Variants in SNX29 observed in about 807,000 individuals in gnomAD.
The protein encoded by SNX29 is sorting nexin-29.
A neutral mutation model predicts 102.1 loss-of-function variants in SNX29; 78 were observed. The observed-to-expected ratio is 0.76, with a 90% CI of 0.64 to 0.92. The LOEUF (loss-of-function observed/expected upper bound fraction) is 0.92. Ranked by LOEUF, SNX29 falls within the 40% of genes least tolerant of loss-of-function variation. The pLI is 0.00. For missense variants in SNX29, 1,280 were observed against 1,061.7 expected (o/e 1.21, Z -2.86); for synonymous variants, 580 against 414.5 (o/e 1.40, Z -4.85).
At chr16:12,547,786 G>A (rs537614529) in intron 20 of SNX29, among the ~76,000 whole-genome samples, 77 of 152,252 alleles carry the variant, frequency 5.1e-4, no homozygotes, top group African/African-American at 1.6e-3. Context: ...CCTGGCTACC[G>A]AACAGAATGG....
In SNX29 at chr16:12,520,799, G is replaced by A. The variant is rs546893677; in HGVS notation, c.2179-3903G>A. Among the ~76,000 whole-genome samples the A allele has an allele frequency of 2.9e-3, 446 of 152,236 alleles. 4 individuals are homozygous for A. The highest frequency in any genetic ancestry group is 0.01 in the African/African-American group (422 of 41,516). ...AATAATGGACTTTGGGGACTCAGGC[G>A]TGGGGGAGGTTGGGAGGGAGGTGAG... On this transcript the variant is annotated intron_variant, in intron 19 of 20. Transcript: ENST00000566228.
intron 13 of SNX29, among the ~76,000 whole-genome samples, chr16:12,180,125 A>G (rs368227051): frequency 5.3e-4 from 81 of 151,984 alleles, no homozygotes; most frequent in African/African-American, 1.8e-3. Context: ...ACCTGTCTTC[A>G]GTATTTGTCA....
intron 15 of SNX29, among the ~76,000 whole-genome samples, chr16:12,286,991 A>G (rs1028385086): frequency 2.6e-5 from 4 of 152,194 alleles, no homozygotes; most frequent in African/African-American, 9.7e-5. Flanking sequence ...TTGGAGTATC[A>G]GGGAGAGGAG....
intron 13 of SNX29, among the ~76,000 whole-genome samples, chr16:12,154,795 G>A (rs1431608381): frequency 1.3e-5 from 2 of 152,192 alleles, no homozygotes; most frequent in African/African-American, 4.8e-5. Flanking sequence ...TTCTCCCTGT[G>A]TCCTTACATG....
chr16:11,990,648 C>T (rs566770074), intron 1 of SNX29, among the ~76,000 whole-genome samples: 4 of 152,084 alleles, frequency 2.6e-5, no homozygotes, highest in South Asian at 2.1e-4. Context: ...CCCAGATGCC[C>T]GCCAGTGTAA....
At chr16:12,437,302 G>A (rs1035579) in intron 18 of SNX29, among the ~76,000 whole-genome samples, 83,166 of 152,024 alleles carry the variant, frequency 0.55, 23,164 homozygotes, top group South Asian at 0.71. Context: ...CTGAGTCCTG[G>A]CAAGGTGTCA....
chr16:12,291,313 G>C (rs1005689011), intron 15 of SNX29, among the ~76,000 whole-genome samples: 2 of 152,230 alleles, frequency 1.3e-5, no homozygotes, highest in African/African-American at 4.8e-5. Context: ...AGCAAGTCAT[G>C]TCTAACATGG....
chr16:12,313,978 C>T (rs2080649178), intron 15 of SNX29, among the ~76,000 whole-genome samples: 1 of 152,190 alleles, frequency 6.6e-6, no homozygotes, highest in East Asian at 1.9e-4. Flanking sequence ...CATTCTTTTG[C>T]TTATGTTTAT....
At chr16:12,187,897 G>T (rs906067106) in intron 13 of SNX29, among the ~76,000 whole-genome samples, 4 of 152,160 alleles carry the variant, frequency 2.6e-5, no homozygotes, top group Admixed American at 2.6e-4. Context: ...CGAGGGACCT[G>T]ATGCAGCTGA....
At chr16:12,047,378 A>G (rs1249466228) in intron 6 of SNX29, among the ~76,000 whole-genome samples, 2 of 152,130 alleles carry the variant, frequency 1.3e-5, no homozygotes, top group Admixed American at 6.5e-5. Flanking sequence ...TTTATACTAA[A>G]TCTCAAATAT....
chr16:12,520,525 A>C (rs1468511145), intron 19 of SNX29, among the ~76,000 whole-genome samples: 1 of 152,196 alleles, frequency 6.6e-6, no homozygotes, highest in African/African-American at 2.4e-5. Flanking sequence ...AGGGCAGGGA[A>C]ATCTCTGAGA....
At chr16:12,316,390 A>G (rs962561650) in intron 15 of SNX29, among the ~76,000 whole-genome samples, 1 of 152,278 alleles carries the variant, frequency 6.6e-6, no homozygotes, top group Non-Finnish European at 1.5e-5. Flanking sequence ...TAAAAATACA[A>G]AAATTAGCTG....
At chr16:12,566,415 C>G (rs968758594) in intron 20 of SNX29, among the ~76,000 whole-genome samples, 7 of 50,434 alleles carry the variant, frequency 1.4e-4, no homozygotes, top group Admixed American at 1.2e-3. Context: ...GAGCCTGTTA[C>G]CTCCAGGGCC....
intron 13 of SNX29, among the ~76,000 whole-genome samples, chr16:12,152,992 C>A (rs1838612140): frequency 6.6e-6 from 1 of 152,214 alleles, no homozygotes; most frequent in African/African-American, 2.4e-5. Context: ...CCATCATGGT[C>A]ATTAGGGTGG....
At chr16:12,063,757 A>C (rs1279659820) in intron 9 of SNX29, among the ~76,000 whole-genome samples, 2 of 150,376 alleles carry the variant, frequency 1.3e-5, no homozygotes, top group African/African-American at 4.9e-5. Context: ...ATGACCTTCC[A>C]TACCAACTGG....
intron 18 of SNX29, among the ~76,000 whole-genome samples, chr16:12,426,335 C>A (rs1026593588): frequency 8.5e-5 from 13 of 152,166 alleles, no homozygotes; most frequent in Non-Finnish European, 1.9e-4. Context: ...GCTCTCCTGG[C>A]AGGGGGGTAA....
intron 14 of SNX29, among the ~76,000 whole-genome samples, chr16:12,227,602 A>G (rs2077649358): frequency 6.6e-6 from 1 of 152,112 alleles, no homozygotes; most frequent in South Asian, 2.1e-4. Context: ...CTTGCTATTC[A>G]AAATGAGGTC....
intron 9 of SNX29, 22 bp downstream of exon 9, chr16:12,061,668 C>T (rs968303372): frequency 2.5e-6 from 4 of 1,585,556 alleles, no homozygotes; most frequent in African/African-American, 2.7e-5. Flanking sequence ...CCGATTACTC[C>T]TTTCCTCCAA....
At chr16:12,542,017 GCT>G (rs750969938) in intron 20 of SNX29, among the ~76,000 whole-genome samples, 118 of 152,192 alleles carry the variant, frequency 7.8e-4, no homozygotes, top group African/African-American at 2.5e-3. Flanking sequence ...TTGCAGCACC[GCT>G]CTGTTTTTTC....
Sources: allele counts gnomAD v4.1 joint callset (sites outside exome capture counted in the v4.1 genomes callset), GRCh38; gene constraint gnomAD v4.1.1; transcripts MANE v1.5; gene names NCBI Gene and HGNC (gene_info 2026-07-23, HGNC 2026-07-21).